TRABD2A: variants seen among roughly 807,000 people sequenced by gnomAD.
TRABD2A encodes the protein metalloprotease TIKI1.
In TRABD2A, 43 loss-of-function variants were observed where a neutral mutation model predicts 45.6. That is an observed-to-expected ratio of 0.94 (90% CI 0.74 to 1.22). The LOEUF is 1.22. Among genes scored for constraint, TRABD2A ranks in the 50% most tolerant of loss-of-function variants. The pLI, the probability that TRABD2A is intolerant of heterozygous loss-of-function variation, is 0.00. For missense variants in TRABD2A, 642 were observed against 652.4 expected (o/e 0.98, Z 0.17); for synonymous variants, 269 against 265.0 (o/e 1.02, Z -0.15).
At chr2:84,826,350 TG>T (rs367739681) in intron 5 of TRABD2A, among the ~76,000 whole-genome samples, 97 of 152,178 alleles carry the variant, frequency 6.4e-4, no homozygotes, top group African/African-American at 2.3e-3. Context: ...TAGCCCTGGG[TG>T]GGGGTTGGAG....
chr2:84,871,442 C>T (rs1028808498), intron 1 of TRABD2A, among the ~76,000 whole-genome samples: 1 of 152,102 alleles, frequency 6.6e-6, no homozygotes, highest in Non-Finnish European at 1.5e-5. Flanking sequence ...CCACCCCAGA[C>T]CAATCACATC....
chr2:84,822,078 C>T lies in TRABD2A; in HGVS notation c.1357G>A (p.Val453Ile). 6.3e-7 allele frequency: 1 copy of T among 1,580,536 alleles called. No individual in the cohort carries two copies. Among genetic ancestry groups the T allele is most frequent in the Non-Finnish European group, 8.6e-7 (1 of 1,162,992 alleles). Residue 453 changes from valine (V) to isoleucine (I), a missense_variant, in exon 7 of 7, where the codon GTC (valine) becomes ATC (isoleucine). By Grantham distance (29) the Val-to-Ile change is conservative. Coordinates refer to ENST00000409520, the MANE Select transcript of TRABD2A (RefSeq NM_001277053.2). ...GAGATGTGCCTGTCCAGGACAGGGA[C>T]CTGGAGTTGCGGGACTATGTCACTA... ...EESDIVPQLQ[V>I]PVLDRHISTE...
rs544598794 is a variant in TRABD2A at position 84,824,536 on chromosome 2, A to T, written c.1083-332T>A. Among the ~76,000 whole-genome samples, 203 of 145,812 alleles carry T rather than the reference A, an allele frequency of 1.4e-3. 5 individuals are homozygous for T. In the South Asian group the frequency reaches 0.014, roughly 10 times the overall value. ...GTCAGCACTGTCTAGAAAGACACTG[A>T]CAATTATAGCTTTTTTTTTTTTTTT... On this transcript the variant is annotated intron_variant, in intron 5 of 6. Transcript: ENST00000409520.
chr2:84,841,072 T>C (rs1205037863), intron 3 of TRABD2A, among the ~76,000 whole-genome samples: 1 of 152,202 alleles, frequency 6.6e-6, no homozygotes, highest in Non-Finnish European at 1.5e-5. Flanking sequence ...AGTGTCTTCA[T>C]GCATGTGGAC....
At chr2:84,875,091 G>A in intron 1 of TRABD2A, 1 of 166,094 alleles carries the variant, frequency 6.0e-6, no homozygotes. Context: ...TAGTTAAGAA[G>A]CACAAAGGAA....
chr2:84,860,136 C>T (rs557259258), intron 2 of TRABD2A, among the ~76,000 whole-genome samples: 1 of 152,270 alleles, frequency 6.6e-6, no homozygotes, highest in South Asian at 2.1e-4. Flanking sequence ...TTTGATTGGA[C>T]ACCTAAAGAC....
At chr2:84,876,872 C>T (rs1683040311) in intron 1 of TRABD2A, among the ~76,000 whole-genome samples, 1 of 152,182 alleles carries the variant, frequency 6.6e-6, no homozygotes, top group South Asian at 2.1e-4. Context: ...CCCATTTTCT[C>T]TTTTCAAGTT....
chr2:84,867,684 T>C (rs542437346), intron 2 of TRABD2A, among the ~76,000 whole-genome samples: 197 of 152,198 alleles, frequency 1.3e-3, no homozygotes, highest in African/African-American at 4.6e-3. Flanking sequence ...GCAATCTACT[T>C]ATCTGACAAA....
At chr2:84,857,146 C>T (rs1682339731) in intron 2 of TRABD2A, among the ~76,000 whole-genome samples, 1 of 152,192 alleles carries the variant, frequency 6.6e-6, no homozygotes, top group South Asian at 2.1e-4. Flanking sequence ...TTGAAGCCAC[C>T]TAGGCTGTGG....
chr2:84,859,050 A>G (rs1387520535), intron 2 of TRABD2A, among the ~76,000 whole-genome samples: 1 of 152,198 alleles, frequency 6.6e-6, no homozygotes, highest in Non-Finnish European at 1.5e-5. Flanking sequence ...CCCACAGCCC[A>G]TGAGCCACAC....
intron 2 of TRABD2A, among the ~76,000 whole-genome samples, chr2:84,845,314 T>C (rs1681848853): frequency 6.6e-6 from 1 of 152,220 alleles, no homozygotes; most frequent in South Asian, 2.1e-4. Context: ...ATTGTGCCAC[T>C]GCACTCCAGC....
chr2:84,840,530 C>T (rs1681674981), intron 3 of TRABD2A, among the ~76,000 whole-genome samples: 3 of 152,212 alleles, frequency 2.0e-5, no homozygotes, highest in Admixed American at 2.0e-4. Context: ...CTGTAGGGGC[C>T]CTGTGGGCAG....
intron 1 of TRABD2A, chr2:84,874,929 C>A: frequency 6.0e-6 from 1 of 167,592 alleles, no homozygotes; most frequent in South Asian, 1.3e-4. Context: ...TTGATGAGGT[C>A]GTCAACGTTG....
At chr2:84,835,097 T>C (rs548156245) in intron 4 of TRABD2A, 9 of 152,350 alleles carry the variant, frequency 5.9e-5, no homozygotes, top group Admixed American at 1.3e-4. Flanking sequence ...TGAAATGGTA[T>C]CTTCACTTTA....
In TRABD2A at chr2:84,870,091, C is replaced by A. The variant is rs935135638; in HGVS notation, c.669+134G>T. 8.3e-5 allele frequency: 76 copies of A among 919,304 alleles called. 1 individual carries two copies. The African/African-American group carries it at 1.1e-3, about 13-fold the overall frequency. 56.9% of individuals were successfully genotyped at this position (919,304 alleles called of 1,614,324 possible). Reference sequence around the variant, plus strand: ...CTGACCACTTGGCTTTTTTTTTAACCCCCGGAAAAGCATTTTTAAGCAAAG... The same window carrying A: ...CTGACCACTTGGCTTTTTTTTTAACACCCGGAAAAGCATTTTTAAGCAAAG... On this transcript the variant is annotated intron_variant, in intron 2 of 6. Transcript: ENST00000409520.
At chr2:84,834,067 G>A (rs1452328483) in intron 4 of TRABD2A, 2 of 152,288 alleles carry the variant, frequency 1.3e-5, no homozygotes. Context: ...GTGGAAAGCA[G>A]AAGCCCACAC....
intron 2 of TRABD2A, among the ~76,000 whole-genome samples, chr2:84,863,507 C>T (rs181882088): frequency 0.013 from 1,969 of 151,078 alleles, 23 homozygotes; most frequent in Non-Finnish European, 0.02. Context: ...GCTGGGATTA[C>T]AGGTGTGAGC....
intron 2 of TRABD2A, among the ~76,000 whole-genome samples, chr2:84,852,144 T>C (rs1682118460): frequency 6.6e-6 from 1 of 152,180 alleles, no homozygotes; most frequent in East Asian, 1.9e-4. Context: ...CAAACTCTAT[T>C]CATGGAACAG....
intron 2 of TRABD2A, 102 bp downstream of exon 2, chr2:84,870,123 T>A: frequency 2.5e-6 from 3 of 1,224,270 alleles, no homozygotes; most frequent in Non-Finnish European, 3.4e-6. Context: ...AAAGACAATT[T>A]CTAGACAAGC....
Sources: gnomAD v4.1 joint callset for allele counts (sites outside exome capture counted in the v4.1 genomes callset) on GRCh38, gnomAD v4.1.1 for gene constraint, MANE v1.5 for transcripts, NCBI Gene and HGNC (gene_info 2026-07-23, HGNC 2026-07-21) for gene names.